The following NFIB variants were observed in gnomAD, a reference collection of about 807,000 sequenced individuals.
NFIB encodes nuclear factor 1 B-type.
NFIB carries 11 observed loss-of-function variants against 61.5 expected under a neutral mutation model. The observed-to-expected ratio is 0.18, with a 90% CI of 0.11 to 0.30. NFIB has a LOEUF of 0.30. Ranked by LOEUF, NFIB falls within the 10% of genes least tolerant of loss-of-function variation. The probability of loss-of-function intolerance (pLI) is 1.00; values close to 1 mark genes in which losing one functional copy is unlikely to be tolerated. For missense variants in NFIB, 471 were observed against 608.9 expected (o/e 0.77, Z 2.38); for synonymous variants, 260 against 216.5 (o/e 1.20, Z -1.76).
At chr9:14,444,148 A>C in the NFIB span, among the ~76,000 whole-genome samples, 3 of 152,230 alleles carry the variant, frequency 2.0e-5, no homozygotes, top group African/African-American at 7.2e-5. Flanking sequence ...CCAATGAAAG[A>C]TCCAAATTGA....
chr9:14,457,702 A>G, the NFIB span, among the ~76,000 whole-genome samples: 25 of 152,210 alleles, frequency 1.6e-4, no homozygotes, highest in Admixed American at 3.3e-4. Flanking sequence ...CCGATCCCAC[A>G]GAAATACAAA....
At chr9:14,368,192 C>T (rs954691130) in intron 1 of NFIB, among the ~76,000 whole-genome samples, 1 of 150,458 alleles carries the variant, frequency 6.6e-6, no homozygotes, top group African/African-American at 2.4e-5. Context: ...AAACAAGTGG[C>T]TGGATGCTGT....
chr9:14,204,077 A>G (rs975273311), intron 2 of NFIB, among the ~76,000 whole-genome samples: 3 of 152,256 alleles, frequency 2.0e-5, no homozygotes, highest in African/African-American at 7.2e-5. Flanking sequence ...TACGTGTATG[A>G]AAAATGAAAA....
intron 2 of NFIB, among the ~76,000 whole-genome samples, chr9:14,203,951 A>G (rs1017055836): frequency 1.3e-5 from 2 of 152,188 alleles, no homozygotes; most frequent in African/African-American, 4.8e-5. Context: ...GTTAAAAAAA[A>G]CCTCAACAAA....
the NFIB span, among the ~76,000 whole-genome samples, chr9:14,469,594 C>T: frequency 3.9e-5 from 6 of 152,168 alleles, no homozygotes; most frequent in African/African-American, 7.2e-5. Context: ...GTGCCTGATA[C>T]GAATTGGTTG....
chr9:14,150,088 C>G, intron 5 of NFIB, 57 bp downstream of exon 5: 3 of 1,601,842 alleles, frequency 1.9e-6, no homozygotes, highest in Non-Finnish European at 2.6e-6. Context: ...GCCTATCATC[C>G]ACCTACGAAC....
At chr9:14,446,731 A>G in the NFIB span, among the ~76,000 whole-genome samples, 3 of 152,186 alleles carry the variant, frequency 2.0e-5, no homozygotes, top group African/African-American at 7.2e-5. Context: ...TGTCTCTTAA[A>G]TAAATGAACG....
At chr9:14,521,515 T>C in the NFIB span, among the ~76,000 whole-genome samples, 1 of 152,208 alleles carries the variant, frequency 6.6e-6, no homozygotes, top group Non-Finnish European at 1.5e-5. Flanking sequence ...GAATTACATA[T>C]ACTTTTCAAG....
chr9:14,172,238 A>G (rs1044213210), intron 3 of NFIB, among the ~76,000 whole-genome samples: 4 of 152,206 alleles, frequency 2.6e-5, no homozygotes, highest in Admixed American at 1.3e-4. Context: ...AAGAAGAGAG[A>G]GAGATGAGAC....
At chr9:14,260,189 T>A (rs1819437978) in intron 2 of NFIB, among the ~76,000 whole-genome samples, 1 of 152,130 alleles carries the variant, frequency 6.6e-6, no homozygotes, top group South Asian at 2.1e-4. Flanking sequence ...AGAGAATGGA[T>A]CTAGTTTCTT....
chr9:14,421,727 C>G, the NFIB span, among the ~76,000 whole-genome samples: 1 of 152,182 alleles, frequency 6.6e-6, no homozygotes, highest in African/African-American at 2.4e-5. Context: ...ATTTGCATAA[C>G]AGCAAAGATT....
intron 3 of NFIB, among the ~76,000 whole-genome samples, chr9:14,158,293 C>T (rs2043705302): frequency 6.6e-6 from 1 of 152,152 alleles, no homozygotes; most frequent in Non-Finnish European, 1.5e-5. Context: ...TCTTTCTACA[C>T]ACTCTAGTCT....
chr9:14,384,506 C>G (rs979894468), intron 1 of NFIB, among the ~76,000 whole-genome samples: 2 of 152,170 alleles, frequency 1.3e-5, no homozygotes, highest in African/African-American at 4.8e-5. Flanking sequence ...TTTCTCCTTT[C>G]CAAACCTGAT....
intron 6 of NFIB, among the ~76,000 whole-genome samples, chr9:14,139,956 C>T (rs1357847811): frequency 6.6e-6 from 1 of 152,120 alleles, no homozygotes; most frequent in African/African-American, 2.4e-5. Context: ...GAGTTCTTTA[C>T]TTTTGATATT....
At chr9:14,122,225 C>CA (rs560137380) in intron 7 of NFIB, among the ~76,000 whole-genome samples, 3 of 151,170 alleles carry the variant, frequency 2.0e-5, no homozygotes, top group South Asian at 2.1e-4. Context: ...TTACCTCTCC[C>CA]AAAAAAAACT....
chr9:14,323,670 C>T (rs2060712994), intron 1 of NFIB, among the ~76,000 whole-genome samples: 1 of 152,160 alleles, frequency 6.6e-6, no homozygotes, highest in African/African-American at 2.4e-5. Context: ...ATGAATTATT[C>T]TTATCTCTCT....
chr9:14,415,899 G>A, the NFIB span, among the ~76,000 whole-genome samples: 1 of 152,128 alleles, frequency 6.6e-6, no homozygotes, highest in Admixed American at 6.5e-5. Flanking sequence ...ATTGGCCACT[G>A]AGCCATGAGC....
At chr9:14,232,185 G>A (rs116390722) in intron 2 of NFIB, among the ~76,000 whole-genome samples, 2,155 of 152,222 alleles carry the variant, frequency 0.014, 57 homozygotes, top group African/African-American at 0.048. Flanking sequence ...TGGATGTTAG[G>A]AAGAAAAAAA....
chr9:14,423,074 T>A, the NFIB span, among the ~76,000 whole-genome samples: 3 of 152,198 alleles, frequency 2.0e-5, no homozygotes, highest in African/African-American at 7.2e-5. Flanking sequence ...AAAAAAAGTA[T>A]GCCCACATGC....
Sources: gnomAD v4.1 joint callset for allele counts (sites outside exome capture counted in the v4.1 genomes callset) on GRCh38, gnomAD v4.1.1 for gene constraint, MANE v1.5 for transcripts, NCBI Gene and HGNC (gene_info 2026-07-23, HGNC 2026-07-21) for gene names.